The following NDUFA10 variants were observed in gnomAD, a reference collection of about 807,000 sequenced individuals.
The protein encoded by NDUFA10 is NADH dehydrogenase [ubiquinone] 1 alpha subcomplex subunit 10, mitochondrial.
NDUFA10 carries 40 observed loss-of-function variants against 47.8 expected under a neutral mutation model. The observed-to-expected ratio is 0.84, with a 90% confidence interval of 0.65 to 1.09. NDUFA10 has a LOEUF of 1.09. Among genes scored for constraint, NDUFA10 ranks in the 50% least tolerant of loss-of-function variants. The pLI, the probability that NDUFA10 is intolerant of heterozygous loss-of-function variation, is 0.00. For synonymous variants in NDUFA10, 183 were observed against 172.2 expected, an observed-to-expected ratio of 1.06 and a Z score of -0.49; for missense variants, 413 against 451.1, an observed-to-expected ratio of 0.92 and a Z score of 0.76.
At position 239,960,043 on chromosome 2, in the gene NDUFA10, T is replaced by C. The variant is rs1694786868; in HGVS notation, c.*1075A>G. On this transcript the variant is annotated 3_prime_UTR_variant, in exon 10 of 10. Coordinates refer to ENST00000252711, the MANE Select transcript of NDUFA10 (RefSeq NM_004544.4). ...CCAGTGCAACCAAGGAACCCAATTT[T>C]AAACTCTATTACATTTTAGCTCATT... 1.0e-6 allele frequency: 1 copy of C among 985,000 alleles called. No homozygotes were observed. Among genetic ancestry groups the C allele is most frequent in the South Asian group, 4.7e-5 (1 of 21,288 alleles). 61.0% of individuals were successfully genotyped at this position (985,000 alleles called of 1,614,324 possible). A position where few individuals can be genotyped will look rare whatever the true frequency, so the allele number is the denominator to read the frequency against.
rs1354403809 is a variant in NDUFA10, at chr2:239,906,138, G to A, written c.295-10824C>T. On this transcript the variant is annotated intron_variant, in intron 4 of 5. Transcript: ENST00000419408. The surrounding 1 kb of genome is among the most constrained non-coding windows in gnomAD (Gnocchi z 4.3). ...CTCATGACCTTCGGGGGCTCTGGGC[G>A]GGCCCTGCTCTGTGCCTAGATATTT... 1.3e-5 allele frequency among the ~76,000 whole-genome samples: 2 copies of A among 152,098 alleles called. No individual in the cohort carries two copies. The highest frequency in any genetic ancestry group is 2.9e-5 in the Non-Finnish European group (2 of 67,994).
intron 4 of NDUFA10, among the ~76,000 whole-genome samples, chr2:239,907,988 G>A (rs1258502602): frequency 6.6e-6 from 1 of 152,180 alleles, no homozygotes; most frequent in Non-Finnish European, 1.5e-5. Flanking sequence ...CAAAGACTTG[G>A]AACCAACCCA....
intron 4 of NDUFA10, among the ~76,000 whole-genome samples, chr2:239,919,559 C>G (rs1170726830): frequency 6.6e-6 from 1 of 152,126 alleles, no homozygotes; most frequent in Non-Finnish European, 1.5e-5. Flanking sequence ...AAGGCTCATA[C>G]AGAAACAGAT....
intron 9 of NDUFA10, among the ~76,000 whole-genome samples, chr2:239,989,462 G>A (rs1462085297): frequency 6.6e-6 from 1 of 152,332 alleles, no homozygotes; most frequent in African/African-American, 2.4e-5. Context: ...GATATGGATC[G>A]TGCTCTTCCC....
Position 239,928,643 on chromosome 2 carries a change from CT to C in NDUFA10, c.295-33330del, listed in dbSNP as rs1336694095. Reference sequence around the variant, plus strand: ...CCAGGGCCCTGGGGGACACTCTCACCTGTGATTCCCAAGCTGTCTCCAAGCC... The same window carrying C: ...CCAGGGCCCTGGGGGACACTCTCACCGTGATTCCCAAGCTGTCTCCAAGCC... On this transcript the variant is annotated intron_variant, in intron 4 of 5. Transcript: ENST00000419408. The surrounding 1 kb of genome is among the most constrained non-coding windows in gnomAD (Gnocchi z 4.3). Among the ~76,000 whole-genome samples, 1 of 152,204 alleles carries C rather than the reference CT, an allele frequency of 6.6e-6. No individual in the cohort carries two copies. Among genetic ancestry groups the C allele is most frequent in the Non-Finnish European group, 1.5e-5 (1 of 68,032 alleles).
chr2:240,008,089 C>T (rs1045209181), intron 6 of NDUFA10, among the ~76,000 whole-genome samples: 1 of 152,218 alleles, frequency 6.6e-6, no homozygotes, highest in Non-Finnish European at 1.5e-5. Context: ...GATTAAATTA[C>T]GTAGTACAGG....
At chr2:239,932,182 G>A in intron 4 of NDUFA10, among the ~76,000 whole-genome samples, 1 of 152,046 alleles carries the variant, frequency 6.6e-6, no homozygotes, top group African/African-American at 2.4e-5. Flanking sequence ...CATGTTTATT[G>A]AATAGACATC....
rs909494438 is a variant in NDUFA10, at chr2:239,987,555, T to G, written c.999+2519A>C. The stretch of plus-strand genomic sequence containing the variant: ...GAAAAGTTATTTTTCTTTTTTTAGT[T>G]TGGAACATCCCAAACTACCCAAACT... On this transcript the variant is annotated intron_variant, in intron 9 of 9. Coordinates refer to ENST00000252711, the MANE Select transcript of NDUFA10 (RefSeq NM_004544.4). This position sits in a 1 kb window ranked among gnomAD's most constrained non-coding sequence, Gnocchi z 4.8. 2.0e-5 allele frequency among the ~76,000 whole-genome samples: 3 copies of G among 152,054 alleles called. No individual in the cohort carries two copies. In the East Asian group the frequency reaches 5.8e-4, roughly 29 times the overall value.
At chr2:239,969,037 C>G (rs1574827057) in intron 9 of NDUFA10, among the ~76,000 whole-genome samples, 1 of 152,326 alleles carries the variant, frequency 6.6e-6, no homozygotes, top group East Asian at 1.9e-4. Context: ...AGTTCTAACA[C>G]AGTTCAAAGG....
chr2:239,964,069 T>C (rs1443976333), intron 9 of NDUFA10, among the ~76,000 whole-genome samples: 1 of 152,178 alleles, frequency 6.6e-6, no homozygotes. Context: ...TGTCTATGCC[T>C]GCACGCCCAT....
At chr2:240,009,290 T>C (rs897510357) in intron 6 of NDUFA10, among the ~76,000 whole-genome samples, 1 of 152,232 alleles carries the variant, frequency 6.6e-6, no homozygotes, top group African/African-American at 2.4e-5. Flanking sequence ...CCCTACTCTG[T>C]CTTGTGTACC....
At chr2:239,991,109 C>T (rs994316697) in intron 8 of NDUFA10, among the ~76,000 whole-genome samples, 1 of 152,158 alleles carries the variant, frequency 6.6e-6, no homozygotes, top group Non-Finnish European at 1.5e-5. Flanking sequence ...AGCAAACCCA[C>T]GGCCTGTTCC....
At chr2:240,005,597 T>A (rs1696920251) in intron 7 of NDUFA10, among the ~76,000 whole-genome samples, 1 of 152,158 alleles carries the variant, frequency 6.6e-6, no homozygotes, top group Admixed American at 6.5e-5. Flanking sequence ...GCTCAAGCGA[T>A]CCTCCTGCCT....
Position 240,016,096 on chromosome 2 carries a change from G to C in NDUFA10, c.548-1236C>G, listed in dbSNP as rs536949239. On this transcript the variant is annotated intron_variant, in intron 4 of 9. Transcript: ENST00000252711. This position sits in a 1 kb window ranked among gnomAD's most constrained non-coding sequence, Gnocchi z 4.4. ...AAAAAAGTTCCAGTGAGCATTCCTAGTAACCTCACTCTAGAGGCAACTGTG... is the reference window on the plus strand; with the variant it reads ...AAAAAAGTTCCAGTGAGCATTCCTACTAACCTCACTCTAGAGGCAACTGTG... Among the ~76,000 whole-genome samples, 2 of 152,288 alleles carry C rather than the reference G, an allele frequency of 1.3e-5. No homozygotes were observed. The highest frequency in any genetic ancestry group is 2.1e-4 in the South Asian group (1 of 4,818).
At chr2:239,915,985 C>A (rs1441428844) in intron 4 of NDUFA10, among the ~76,000 whole-genome samples, 1 of 139,714 alleles carries the variant, frequency 7.2e-6, no homozygotes, top group Non-Finnish European at 1.5e-5. Flanking sequence ...CACACACACA[C>A]CCATACACAG....
In NDUFA10 at chr2:239,990,196, C is replaced by T. The variant is rs1437971595; in HGVS notation, c.891-14G>A. The T allele has an allele frequency of 1.9e-6, 3 of 1,579,570 alleles. No homozygotes were observed. The highest frequency in any genetic ancestry group is 1.7e-5 in the Admixed American group (1 of 59,978). On this transcript the variant is annotated splice_polypyrimidine_tract_variant and intron_variant, in intron 8 of 9. Coordinates refer to ENST00000252711, the MANE Select transcript of NDUFA10 (RefSeq NM_004544.4). ...TTATCCTGAACCCTAAAAAATAAGA[C>T]ACATGTGGATCACACCAAACCATCA...
At chr2:240,020,321 A>G (rs1297828869) in intron 3 of NDUFA10, among the ~76,000 whole-genome samples, 3 of 152,124 alleles carry the variant, frequency 2.0e-5, no homozygotes, top group Admixed American at 2.0e-4. Context: ...TAAAACAGAC[A>G]CGAAGGCCCT....
intron 4 of NDUFA10, among the ~76,000 whole-genome samples, chr2:240,015,563 T>A (rs575975879): frequency 6.6e-6 from 1 of 152,314 alleles, no homozygotes; most frequent in Admixed American, 6.5e-5. Context: ...AACATGAAAT[T>A]GAAAGCAGCT....
At chr2:239,963,242 A>G (rs986131878) in intron 9 of NDUFA10, among the ~76,000 whole-genome samples, 2 of 152,224 alleles carry the variant, frequency 1.3e-5, no homozygotes, top group Non-Finnish European at 2.9e-5. Context: ...TGATGCCAAG[A>G]CAGCCCAGGG....
Sources: gnomAD v4.1 joint callset for allele counts (sites outside exome capture counted in the v4.1 genomes callset) on GRCh38, gnomAD v4.1.1 for gene constraint, Gnocchi (gnomAD v3.1) non-coding constraint, MANE v1.5 for transcripts, NCBI Gene and HGNC (gene_info 2026-07-23, HGNC 2026-07-21) for gene names.